ECD: variants seen among roughly 807,000 people sequenced by gnomAD.
ECD encodes the protein protein ecdysoneless homolog.
A neutral mutation model predicts 77.2 loss-of-function variants in ECD; 59 were observed. The ratio of observed to expected loss-of-function variants is 0.76; its 90% confidence interval spans 0.62 to 0.95. The LOEUF is 0.95. Ranked by LOEUF, ECD falls within the 40% of genes least tolerant of loss-of-function variation. The pLI, the probability that ECD is intolerant of heterozygous loss-of-function variation, is 0.00. For missense variants in ECD, 704 were observed against 763.4 expected, an observed-to-expected ratio of 0.92 and a Z score of 0.92; for synonymous variants, 233 against 267.4, an observed-to-expected ratio of 0.87 and a Z score of 1.26.
At chr10:73,154,197 A>G in intron 6 of ECD, 59 bp downstream of exon 6, 2 of 1,484,830 alleles carry the variant, frequency 1.3e-6, no homozygotes, top group Non-Finnish European at 1.8e-6. Flanking sequence ...GAAAAAAATA[A>G]TAATGTTTCA....
intron 1 of ECD, among the ~76,000 whole-genome samples, chr10:73,165,274 C>T (rs542644415): frequency 2.0e-4 from 31 of 152,218 alleles, no homozygotes; most frequent in Admixed American, 3.9e-4. Context: ...TGTCATTTTA[C>T]CTCTGTCCTA....
Position 73,156,310 on chromosome 10 carries a change from T to A in ECD, c.555A>T (p.Glu185Asp). The A allele has an allele frequency of 1.2e-6, 2 of 1,610,998 alleles. No individual in the cohort carries two copies. Among genetic ancestry groups the A allele is most frequent in the South Asian group, 2.2e-5 (2 of 90,154 alleles). ...TAHSEKILAS[E>D]SIRAAVNRRI... The stretch of plus-strand genomic sequence containing the variant: ...GCCTATTCACAGCAGCTCGTATAGA[T>A]TCTGAAGCAAGTATTTTTTCTGAAT... Residue 185 changes from glutamate to aspartate, a missense_variant, in exon 5 of 14, where the codon GAA becomes GAT. Transcript: ENST00000372979.
At chr10:73,164,955 G>A (rs1016389175) in intron 1 of ECD, among the ~76,000 whole-genome samples, 1 of 152,102 alleles carries the variant, frequency 6.6e-6, no homozygotes, top group Non-Finnish European at 1.5e-5. Context: ...GTTTGCCCTT[G>A]TACTAGCAGT....
chr10:73,138,024 T>C lies in ECD; in HGVS notation c.1468A>G (p.Asn490Asp), dbSNP rs767647886. ...TTACCTAAAATCTTATCAAAATAAT[T>C]AAGAAAAGAATCTGCATCAAAAGTG... ...PITFDADSFL[N>D]YFDKILGPRP... Residue 490 changes from asparagine to aspartate, a missense_variant, in exon 12 of 14, where the codon AAT becomes GAT. Asn to Asp is a conservative substitution (Grantham distance 23). This residue lies in a region of ECD where 559 missense variants were observed against 583.7 expected (regional missense o/e 0.96). Transcript: ENST00000372979. 2.5e-6 allele frequency: 4 copies of C among 1,596,742 alleles called. No homozygotes were observed. In the South Asian group the frequency reaches 3.4e-5, roughly 14 times the overall value.
At chr10:73,153,689 A>ACACTC (rs1225163321) in intron 6 of ECD, among the ~76,000 whole-genome samples, 1 of 146,956 alleles carries the variant, frequency 6.8e-6, no homozygotes, top group Non-Finnish European at 1.5e-5. Context: ...TGGCTCCACT[A>ACACTC]CACTCCAGCC....
chr10:73,152,914 C>CAAAAAAAAAAAAA (rs146290115), intron 6 of ECD, among the ~76,000 whole-genome samples: 45 of 148,778 alleles, frequency 3.0e-4, no homozygotes, highest in East Asian at 1.6e-3. Context: ...GACACTGTTG[C>CAAAAAAAAAAAAA]AAAAAAAATT....
Position 73,139,296 on chromosome 10 carries a change from T to C in ECD, c.1421+13A>G, listed in dbSNP as rs752847696. ...TCTAGCTATTTATATATTTATACTT[T>C]AACACAAATTACCGAGGCAGCTCTG... On this transcript the variant is annotated intron_variant, in intron 11 of 13. Coordinates refer to ENST00000372979, the MANE Select transcript of ECD (RefSeq NM_007265.3). 2 of 1,595,800 alleles carry C rather than the reference T, an allele frequency of 1.3e-6. No homozygotes were observed. The highest frequency in any genetic ancestry group is 1.4e-5 in the African/African-American group (1 of 73,584).
intron 3 of ECD, among the ~76,000 whole-genome samples, chr10:73,157,072 C>T (rs900616796): frequency 2.7e-5 from 4 of 150,674 alleles, no homozygotes; most frequent in Non-Finnish European, 4.4e-5. Flanking sequence ...ATTTTGGAGA[C>T]GGAGTCTCGC....
chr10:73,160,433 C>T lies in ECD; in HGVS notation c.323+1G>A. ...TAGAATAATTAAAATAACTACAATA[C>T]CTTGCTACTAACTCTGGAAATTCCT... On this transcript the variant is annotated splice_donor_variant, in intron 3 of 13. Transcript: ENST00000372979. LOFTEE classifies it high-confidence loss of function. 3.2e-6 allele frequency: 5 copies of T among 1,576,842 alleles called. No homozygotes were observed. Among genetic ancestry groups the T allele is most frequent in the Non-Finnish European group, 4.3e-6 (5 of 1,159,688 alleles).
At chr10:73,154,113 C>CAGAATATT in intron 6 of ECD, 143 bp downstream of exon 6, 1 of 838,022 alleles carries the variant, frequency 1.2e-6, no homozygotes, top group South Asian at 2.2e-5. Context: ...TATGAAGAAA[C>CAGAATATT]AGAATATTTC....
chr10:73,155,010 T>G (rs1843277186), intron 5 of ECD, among the ~76,000 whole-genome samples: 1 of 152,204 alleles, frequency 6.6e-6, no homozygotes, highest in African/African-American at 2.4e-5. Flanking sequence ...TCTAAAAGAA[T>G]GGTACAAAGT....
intron 9 of ECD, among the ~76,000 whole-genome samples, chr10:73,142,737 T>C (rs904998271): frequency 6.6e-6 from 1 of 152,206 alleles, no homozygotes; most frequent in Non-Finnish European, 1.5e-5. Flanking sequence ...GGTGACTGCT[T>C]TCTCAAGTAT....
intron 13 of ECD, 133 bp downstream of exon 13, chr10:73,136,571 G>T: frequency 1.2e-6 from 1 of 806,630 alleles, no homozygotes; most frequent in Non-Finnish European, 1.9e-6. Context: ...TCCTACCAGA[G>T]TTAGGAAAAC....
At chr10:73,144,866 T>G (rs1843103517) in intron 9 of ECD, among the ~76,000 whole-genome samples, 1 of 152,122 alleles carries the variant, frequency 6.6e-6, no homozygotes, top group South Asian at 2.1e-4. Context: ...TAATAATAAT[T>G]TATTATATAG....
In ECD at chr10:73,163,927, G is replaced by C. The variant is rs575263484; in HGVS notation, c.11C>G (p.Thr4Ser). The C allele has an allele frequency of 4.3e-6, 7 of 1,613,918 alleles. No individual in the cohort carries two copies. The East Asian group carries it at 1.6e-4, about 36-fold the overall frequency. ...GTCTTCCATCGTAGCAAGCTTCATG[G>C]TTTCTTCCATTCTTCTTTGAAAACT... MEETMKLATMEDTV... is the reference protein window; with the variant it reads MEESMKLATMEDTV... The change falls in exon 2 of 14, where the codon ACC becomes AGC. Residue 4 changes from threonine (T) to serine (S), a missense_variant. Around this residue, in one of 3 missense-constraint regions of ECD, gnomAD observed 559 missense variants for 583.7 expected, o/e 0.96. Transcript: ENST00000372979.
At chr10:73,155,022 T>A (rs1269180966) in intron 5 of ECD, among the ~76,000 whole-genome samples, 2 of 152,232 alleles carry the variant, frequency 1.3e-5, no homozygotes, top group African/African-American at 4.8e-5. Flanking sequence ...GTACAAAGTA[T>A]GCTGAAGCTA....
rs570746772 is a variant in ECD, at chr10:73,156,178, C to T, written c.590+97G>A. ...TCAAAGAAAGACTGATCAACTCCAA[C>T]AGAGCTTTAAGGAAAACAAACAAAA... On this transcript the variant is annotated intron_variant, in intron 5 of 13. Coordinates refer to ENST00000372979, the MANE Select transcript of ECD (RefSeq NM_007265.3). The T allele has an allele frequency of 4.3e-6, 5 of 1,160,208 alleles. No individual in the cohort carries two copies. The African/African-American group carries it at 4.7e-5, about 11-fold the overall frequency. The allele number at this position is 1,160,208 out of a possible 1,614,324, so 71.9% of individuals were successfully genotyped here. A position where few individuals can be genotyped will look rare whatever the true frequency, so the allele number is the denominator to read the frequency against.
chr10:73,156,706 G>C (rs1258718378), intron 3 of ECD, 51 bp from the exon 4 acceptor site: 1 of 1,496,406 alleles, frequency 6.7e-7, no homozygotes, highest in East Asian at 2.3e-5. Context: ...ATATCTGCTA[G>C]TAACCAAAAC....
intron 9 of ECD, among the ~76,000 whole-genome samples, chr10:73,145,043 C>T (rs1843105578): frequency 6.6e-6 from 1 of 152,084 alleles, no homozygotes; most frequent in African/African-American, 2.4e-5. Flanking sequence ...ATATGTACAA[C>T]TAGTATGTAT....
Sources: gnomAD v4.1 joint callset for allele counts (sites outside exome capture counted in the v4.1 genomes callset) on GRCh38, gnomAD v4.1.1 for gene constraint, gnomAD v4.1.1 regional missense constraint, MANE v1.5 for transcripts, NCBI Gene and HGNC (gene_info 2026-07-23, HGNC 2026-07-21) for gene names.